The following UGT2B7 variants were observed in gnomAD, a reference collection of about 807,000 sequenced individuals.
The protein encoded by UGT2B7 is UDP-glucuronosyltransferase 2B7.
UGT2B7 carries 51 observed loss-of-function variants against 51.9 expected under a neutral mutation model. The observed-to-expected ratio is 0.98, with a 90% CI of 0.78 to 1.24. The LOEUF is 1.24. Ranked by LOEUF, UGT2B7 falls within the 50% of genes most tolerant of loss-of-function variation. The pLI, the probability that UGT2B7 is intolerant of heterozygous loss-of-function variation, is 0.00. For missense variants in UGT2B7, 727 were observed against 628.4 expected (o/e 1.16, Z -1.68); for synonymous variants, 225 against 211.6 (o/e 1.06, Z -0.55).
upstream of UGT2B7, among the ~76,000 whole-genome samples, chr4:69,094,810 A>T (rs995441690): frequency 8.5e-5 from 13 of 152,230 alleles, no homozygotes; most frequent in African/African-American, 2.9e-4. Flanking sequence ...TTCTTTCAAA[A>T]TTGGAATTAA....
chr4:69,055,838 C>T (rs142551282), intron 1 of UGT2B7, among the ~76,000 whole-genome samples: 13 of 152,262 alleles, frequency 8.5e-5, no homozygotes, highest in African/African-American at 2.4e-4. Context: ...GAAAAGGATT[C>T]GCTCATCCTG....
intron 1 of UGT2B7, among the ~76,000 whole-genome samples, chr4:69,062,214 C>A (rs925574609): frequency 1.3e-5 from 2 of 152,074 alleles, no homozygotes; most frequent in Admixed American, 6.6e-5. Flanking sequence ...GGTCTTTCTC[C>A]AAGTCAGGTG....
chr4:69,054,166 T>C (rs1305645713), intron 1 of UGT2B7, among the ~76,000 whole-genome samples: 10 of 150,926 alleles, frequency 6.6e-5, no homozygotes, highest in Non-Finnish European at 1.0e-4. Flanking sequence ...AAAACTCATG[T>C]CGGCCCCAGC....
intron 1 of UGT2B7, among the ~76,000 whole-genome samples, chr4:69,068,024 T>C (rs1320874036): frequency 6.6e-6 from 1 of 152,108 alleles, no homozygotes; most frequent in Non-Finnish European, 1.5e-5. Flanking sequence ...TAAACATTTT[T>C]TGTCTATATT....
Position 69,096,958 on chromosome 4 carries a change from C to G in UGT2B7, c.438C>G (p.Asp146Glu). 1.9e-6 allele frequency: 3 copies of G among 1,613,454 alleles called. No homozygotes were observed. The highest frequency in any genetic ancestry group is 1.7e-6 in the Non-Finnish European group (2 of 1,179,776). Residue 146 changes from aspartate (D) to glutamate (E), a missense_variant, in exon 1 of 6, where the codon GAC becomes GAG. By Grantham distance (45) the Asp-to-Glu change is conservative (BLOSUM62 2). Transcript: ENST00000305231. Reference protein sequence around the residue: ...FMKKVQESRFDVIFADAIFPC... With the variant: ...FMKKVQESRFEVIFADAIFPC... ...AAAAAGTACAAGAGTCAAGATTTGA[C>G]GTCATTTTTGCAGATGCTATTTTTC...
intron 5 of UGT2B7, among the ~76,000 whole-genome samples, chr4:69,109,910 A>G (rs1203356613): frequency 1.3e-5 from 2 of 152,044 alleles, no homozygotes; most frequent in Non-Finnish European, 2.9e-5. Context: ...AGGATAATGA[A>G]TGATAAAAAT....
intron 1 of UGT2B7, among the ~76,000 whole-genome samples, chr4:69,081,942 T>G (rs115766669): frequency 1.3e-5 from 2 of 152,122 alleles, no homozygotes; most frequent in African/African-American, 4.8e-5. Context: ...GCAAGTCTAC[T>G]GACATAATTT....
At chr4:69,084,782 A>G (rs1718913063) in intron 1 of UGT2B7, among the ~76,000 whole-genome samples, 1 of 152,104 alleles carries the variant, frequency 6.6e-6, no homozygotes, top group Non-Finnish European at 1.5e-5. Context: ...CTGTGTCCCT[A>G]CAAAGGGCAT....
chr4:69,111,035 T>C (rs1371737366), intron 5 of UGT2B7, among the ~76,000 whole-genome samples: 3 of 151,990 alleles, frequency 2.0e-5, no homozygotes, highest in Admixed American at 2.0e-4. Context: ...GAGGTAACAT[T>C]AGAAGGAAGC....
intron 5 of UGT2B7, among the ~76,000 whole-genome samples, chr4:69,108,774 C>T (rs1577928185): frequency 6.6e-6 from 1 of 151,956 alleles, no homozygotes; most frequent in East Asian, 1.9e-4. Context: ...TAGCATAAAA[C>T]CCCCCTGTTT....
At chr4:69,054,346 A>T (rs1181949692) in intron 1 of UGT2B7, among the ~76,000 whole-genome samples, 1 of 152,210 alleles carries the variant, frequency 6.6e-6, no homozygotes, top group Non-Finnish European at 1.5e-5. Context: ...GGGCCCTGGC[A>T]GCAATGGCCC....
At chr4:69,095,356 G>T (rs1176048152), upstream of UGT2B7, among the ~76,000 whole-genome samples, 3 of 152,200 alleles carry the variant, frequency 2.0e-5, no homozygotes, top group Admixed American at 6.5e-5. Context: ...TACATTATTT[G>T]CTGAGTCAGT....
rs540988840 is a variant in UGT2B7, at chr4:69,102,818, C to G, written c.882C>G (p.Asp294Glu). 2 of 1,612,738 alleles carry G rather than the reference C, an allele frequency of 1.2e-6. No individual in the cohort carries two copies. Among genetic ancestry groups the G allele is most frequent in the South Asian group, 1.1e-5 (1 of 90,976 alleles). ...PAKPLPKEME[D>E]FVQSSGENGV... ...TTCTTTCTTCACAGGAAATGGAAGA[C>G]TTTGTACAGAGCTCTGGAGAAAATG... Residue 294 changes from aspartate to glutamate, a missense_variant, in exon 3 of 6, where the codon GAC becomes GAG. Physicochemically the swap from Asp to Glu is conservative, Grantham distance 45. Transcript: ENST00000305231.
intron 1 of UGT2B7, among the ~76,000 whole-genome samples, chr4:69,085,955 A>G (rs1258450102): frequency 6.6e-6 from 1 of 151,620 alleles, no homozygotes; most frequent in Non-Finnish European, 1.5e-5. Context: ...TTACGTATTC[A>G]ATAAACCGTT....
In UGT2B7 at chr4:69,096,899, T is replaced by C. The variant is rs1178296675; in HGVS notation, c.379T>C (p.Cys127Arg). The change falls in exon 1 of 6, where the codon TGT becomes CGT. Residue 127 changes from cysteine to arginine, a missense_variant. Physicochemically the swap from Cys to Arg is radical, Grantham distance 180. Transcript: ENST00000305231. ...ATTTGGTGACATAACTAGAAAGTTC[T>C]GTAAAGATGTAGTTTCAAATAAGAA... ...SIFGDITRKF[C>R]KDVVSNKKFM... 1.2e-6 allele frequency: 2 copies of C among 1,612,094 alleles called. No individual in the cohort carries two copies. Among genetic ancestry groups the C allele is most frequent in the Non-Finnish European group, 8.5e-7 (1 of 1,179,564 alleles).
At chr4:69,107,762 C>A (rs1196354429) in intron 4 of UGT2B7, among the ~76,000 whole-genome samples, 4 of 152,048 alleles carry the variant, frequency 2.6e-5, no homozygotes, top group African/African-American at 9.7e-5. Flanking sequence ...GCTGCCTTGC[C>A]CACCCCATAT....
Position 69,108,084 on chromosome 4 carries a change from A to G in UGT2B7, c.1091-19A>G. ...TTTTATTCCTATGAGTAATTTTGCTAAAATTCATCCAATCCTAGGTCATCC... is the reference window on the plus strand; with the variant it reads ...TTTTATTCCTATGAGTAATTTTGCTGAAATTCATCCAATCCTAGGTCATCC... On this transcript the variant is annotated intron_variant, in intron 4 of 5. Transcript: ENST00000305231. The G allele has an allele frequency of 6.2e-7, 1 of 1,612,240 alleles. No homozygotes were observed. The highest frequency in any genetic ancestry group is 1.1e-5 in the South Asian group (1 of 90,942).
At chr4:69,062,993 GA>G (rs1375379980) in intron 1 of UGT2B7, among the ~76,000 whole-genome samples, 5 of 152,050 alleles carry the variant, frequency 3.3e-5, no homozygotes, top group Non-Finnish European at 4.4e-5. Flanking sequence ...CTAGAAGGAG[GA>G]CCCGTATTAG....
At chr4:69,100,945 C>T (rs946544289) in intron 2 of UGT2B7, among the ~76,000 whole-genome samples, 18 of 151,788 alleles carry the variant, frequency 1.2e-4, no homozygotes, top group African/African-American at 2.4e-4. Flanking sequence ...AATATGTTCA[C>T]GTGAAATCAT....
Sources: gnomAD v4.1 joint callset for allele counts (sites outside exome capture counted in the v4.1 genomes callset) on GRCh38, gnomAD v4.1.1 for gene constraint, MANE v1.5 for transcripts, NCBI Gene and HGNC (gene_info 2026-07-23, HGNC 2026-07-21) for gene names.